MPP2: variants seen among roughly 807,000 people sequenced by gnomAD.
The protein encoded by MPP2 is MAGUK p55 subfamily member 2.
A neutral mutation model predicts 58.5 loss-of-function variants in MPP2; 42 were observed. The ratio of observed to expected loss-of-function variants is 0.72; its 90% CI spans 0.56 to 0.93. The LOEUF is 0.93. Ranked by LOEUF, MPP2 falls within the 40% of genes least tolerant of loss-of-function variation. MPP2 has a pLI of 0.00. For synonymous variants in MPP2, 300 were observed against 307.8 expected (o/e 0.97, Z 0.26); for missense variants, 632 against 760.4 (o/e 0.83, Z 1.99).
In MPP2 at chr17:43,879,963, T is replaced by C. The variant is rs2047032757; in HGVS notation, c.1172A>G (p.Asp391Gly). 2 of 1,613,718 alleles carry C rather than the reference T, an allele frequency of 1.2e-6. No individual in the cohort carries two copies. Among genetic ancestry groups the C allele is most frequent in the African/African-American group, 2.7e-5 (2 of 74,814 alleles). The change falls in exon 11 of 13, where the codon GAC becomes GGC. Residue 391 changes from aspartate (D) to glycine (G), a missense_variant. Physicochemically the swap from Asp to Gly is moderately conservative, Grantham distance 94. Transcript: ENST00000269095. The surrounding 1 kb of genome is among the most constrained non-coding windows in gnomAD (Gnocchi z 4.1). ...TVPYTSRRPK[D>G]SEREGQGYSF... The stretch of plus-strand genomic sequence containing the variant: ...GTAACCCTGACCTTCCCGCTCTGAG[T>C]CTTTCGGCCGCCGGGAGGTGTCTAG...
At chr17:43,900,815 C>G (rs1474778403) in intron 2 of MPP2, among the ~76,000 whole-genome samples, 1 of 152,144 alleles carries the variant, frequency 6.6e-6, no homozygotes, top group Non-Finnish European at 1.5e-5. Context: ...TGCCCGATCC[C>G]CAGCATGTCA....
intron 3 of MPP2, chr17:43,883,941 C>G (rs1046859539): frequency 1.1e-5 from 6 of 566,736 alleles, no homozygotes; most frequent in Admixed American, 9.8e-5. Context: ...GAAAAGGAAT[C>G]CTTCGCCAGT....
chr17:43,900,519 C>G, intron 2 of MPP2: 1 of 1,548,464 alleles, frequency 6.5e-7, no homozygotes, highest in Non-Finnish European at 8.7e-7. Flanking sequence ...GATATACCCT[C>G]CAAGGAGACC....
upstream of MPP2, chr17:43,909,532 C>T (rs2048384954): frequency 1.5e-5 from 20 of 1,374,446 alleles, no homozygotes; most frequent in Non-Finnish European, 1.9e-5. Flanking sequence ...CTTAATCAAG[C>T]AATTATTACC....
At chr17:43,903,643 C>T (rs138895882) in intron 2 of MPP2, among the ~76,000 whole-genome samples, 12 of 152,306 alleles carry the variant, frequency 7.9e-5, no homozygotes, top group East Asian at 7.7e-4. Flanking sequence ...GCCAAGCTTG[C>T]GCCACTGCAC....
chr17:43,879,882 T>C lies in MPP2; in HGVS notation c.1253A>G (p.Glu418Gly). Residue 418 changes from glutamate to glycine, a missense_variant, in exon 11 of 13, where the codon GAG becomes GGG. Physicochemically the swap from Glu to Gly is moderately conservative, Grantham distance 98. Transcript: ENST00000269095. This position sits in a 1 kb window ranked among gnomAD's most constrained non-coding sequence, Gnocchi z 4.1. ...EADVRAGRYL[E>G]HGEYEGNLYG... Reference sequence around the variant, plus strand: ...CAGGTTGCCCTCGTATTCGCCATGCTCCAGGTAGCGCCCAGCACGGACGTC... The same window carrying C: ...CAGGTTGCCCTCGTATTCGCCATGCCCCAGGTAGCGCCCAGCACGGACGTC... 6.2e-7 allele frequency: 1 copy of C among 1,613,878 alleles called. No individual in the cohort carries two copies. The highest frequency in any genetic ancestry group is 1.3e-5 in the African/African-American group (1 of 74,922).
chr17:43,882,372 CG>C lies in MPP2; in HGVS notation c.592del (p.Arg198AlafsTer33). 1 of 1,612,286 alleles carries C rather than the reference CG, an allele frequency of 6.2e-7. No homozygotes were observed. On this transcript the variant is annotated frameshift_variant, in exon 6 of 13. Transcript: ENST00000269095. LOFTEE classifies it high-confidence loss of function. ...ATTGCGCAGGAGCTCCTGCAGTGCG[CG>C]GGGGTCACTGCCCACTGGCTGCCCG... The part of the protein sequence containing the change: ...VNGQPVGSDP[R>X]ALQELLRNAS...
upstream of MPP2, among the ~76,000 whole-genome samples, chr17:43,908,976 T>TGAA (rs1440212833): frequency 1.3e-5 from 2 of 152,218 alleles, no homozygotes; most frequent in Non-Finnish European, 2.9e-5. Context: ...TTGCAGGCTT[T>TGAA]GGTCTCTAAA....
intron 12 of MPP2, among the ~76,000 whole-genome samples, chr17:43,878,333 A>G (rs1490110956): frequency 6.6e-6 from 1 of 152,210 alleles, no homozygotes; most frequent in African/African-American, 2.4e-5. Flanking sequence ...CAGTGGCTAA[A>G]CAGGGTCTGC....
At chr17:43,882,534 G>A in intron 5 of MPP2, 23 bp from the exon 6 acceptor site, 1 of 1,596,806 alleles carries the variant, frequency 6.3e-7, no homozygotes, top group Non-Finnish European at 8.5e-7. Flanking sequence ...GGGAGTGTAA[G>A]ATGAGGCCCC....
intron 3 of MPP2, among the ~76,000 whole-genome samples, chr17:43,885,465 G>A (rs1162806309): frequency 6.6e-6 from 1 of 152,168 alleles, no homozygotes. Flanking sequence ...AAACCAAGAT[G>A]TGGACACTCA....
chr17:43,906,867 C>G (rs529933121), intron 1 of MPP2, among the ~76,000 whole-genome samples: 65 of 151,264 alleles, frequency 4.3e-4, no homozygotes, highest in African/African-American at 1.5e-3. Context: ...CACCGCCCCC[C>G]CCTTAATTGA....
intron 3 of MPP2, among the ~76,000 whole-genome samples, chr17:43,885,928 G>A (rs1432276126): frequency 6.6e-6 from 1 of 151,934 alleles, no homozygotes; most frequent in African/African-American, 2.4e-5. Context: ...TGACCAACAT[G>A]GTGAAACACC....
intron 2 of MPP2, chr17:43,901,381 G>A: frequency 1.0e-6 from 1 of 985,484 alleles, no homozygotes; most frequent in Non-Finnish European, 1.2e-6. Context: ...AGGCATCTTG[G>A]AACTCAGTTC....
intron 3 of MPP2, among the ~76,000 whole-genome samples, chr17:43,890,764 A>G (rs544707884): frequency 9.9e-5 from 15 of 152,240 alleles, no homozygotes; most frequent in Admixed American, 5.9e-4. Context: ...TGAGACTACC[A>G]TGTGAAGGTG....
rs775290850 is a variant in MPP2, at chr17:43,879,196, TTCTC to T, written c.1482+75_1482+78del. ...CCTGTCCCTCCCCAACACCACCTCC[TTCTC>T]TCTGTCAGCTCAGGCCTGTCCCCCA... On this transcript the variant is annotated intron_variant, in intron 12 of 12. Transcript: ENST00000269095. This position sits in a 1 kb window ranked among gnomAD's most constrained non-coding sequence, Gnocchi z 4.1. 5.3e-6 allele frequency: 8 copies of T among 1,522,224 alleles called. No homozygotes were observed. The highest frequency in any genetic ancestry group is 2.8e-5 in the African/African-American group (2 of 72,670). 94.3% of individuals were successfully genotyped at this position (1,522,224 alleles called of 1,614,324 possible).
chr17:43,906,081 T>TGGA, intron 1 of MPP2: 11 of 984,832 alleles, frequency 1.1e-5, no homozygotes, highest in Non-Finnish European at 1.3e-5. Context: ...CTTGATGACC[T>TGGA]GGAGCCTTCT....
chr17:43,888,210 C>G (rs1040754097), intron 3 of MPP2, among the ~76,000 whole-genome samples: 3 of 152,164 alleles, frequency 2.0e-5, no homozygotes, highest in Non-Finnish European at 2.9e-5. Flanking sequence ...TTTTCCCAAA[C>G]AGGCCAGGGA....
At position 43,900,637 on chromosome 17, in the gene MPP2, G is replaced by A. The variant is rs940267077; in HGVS notation, c.32-2257C>T. 20 of 1,447,368 alleles carry A rather than the reference G, an allele frequency of 1.4e-5. No homozygotes were observed. In the African/African-American group the frequency reaches 2.6e-4, roughly 19 times the overall value. The allele number at this position is 1,447,368 out of a possible 1,614,324, so 89.7% of individuals were successfully genotyped here. On this transcript the variant is annotated intron_variant, in intron 2 of 12. Transcript: ENST00000269095. ...CCAGCCAAAGCCTGGCCGGGCTGGG[G>A]AAGGCGGGAGTCGAGGAGCGCCCTC...
Sources: gnomAD v4.1 joint callset for allele counts (sites outside exome capture counted in the v4.1 genomes callset) on GRCh38, gnomAD v4.1.1 for gene constraint, Gnocchi (gnomAD v3.1) non-coding constraint, MANE v1.5 for transcripts, NCBI Gene and HGNC (gene_info 2026-07-23, HGNC 2026-07-21) for gene names.